The following EIF5 variants were observed in gnomAD, a reference collection of about 807,000 sequenced individuals.
The protein encoded by EIF5 is eukaryotic translation initiation factor 5.
A neutral mutation model predicts 48.3 loss-of-function variants in EIF5; 10 were observed. The ratio of observed to expected loss-of-function variants is 0.21; its 90% confidence interval spans 0.13 to 0.35. The LOEUF is 0.35. EIF5 is among the 10% of genes least tolerant of loss of function. The probability of loss-of-function intolerance (pLI) is 1.00; values close to 1 mark genes in which losing one functional copy is unlikely to be tolerated. For missense variants in EIF5, 397 were observed against 533.2 expected (o/e 0.74, Z 2.51); for synonymous variants, 237 against 173.1 (o/e 1.37, Z -2.90).
chr14:103,339,477 C>A, intron 9 of EIF5, 144 bp downstream of exon 9: 1 of 1,393,990 alleles, frequency 7.2e-7, no homozygotes, highest in Non-Finnish European at 9.8e-7. Context: ...TCTGAAAGTG[C>A]CATACCTAGG....
rs962655931 is a variant in EIF5, at chr14:103,343,088, A to G, written c.*2036A>G. On this transcript the variant is annotated 3_prime_UTR_variant, in exon 12 of 12. Coordinates refer to ENST00000216554, the MANE Select transcript of EIF5 (RefSeq NM_001969.5). ...TGTTCACAGGTTATCCTAATAGAGT[A>G]ATTCTTCACTTTGCTCTATTGAACT... 3 of 152,668 alleles carry G rather than the reference A, an allele frequency of 2.0e-5. No individual in the cohort carries two copies. Among genetic ancestry groups the G allele is most frequent in the Non-Finnish European group, 4.4e-5 (3 of 68,040 alleles). 9.5% of individuals were successfully genotyped at this position (152,668 alleles called of 1,614,324 possible). A position where few individuals can be genotyped will look rare whatever the true frequency, so the allele number is the denominator to read the frequency against.
Position 103,338,322 on chromosome 14 carries a change from T to C in EIF5, c.440-5T>C. ...TTAAATTTTTATTTCCCTTTTTTTCTGTAGAGAATAGTGACAGTGGTACAG... is the reference window on the plus strand; with the variant it reads ...TTAAATTTTTATTTCCCTTTTTTTCCGTAGAGAATAGTGACAGTGGTACAG... On this transcript the variant is annotated splice_region_variant and splice_polypyrimidine_tract_variant and intron_variant, in intron 6 of 11. Coordinates refer to ENST00000216554, the MANE Select transcript of EIF5 (RefSeq NM_001969.5). 3 of 1,609,906 alleles carry C rather than the reference T, an allele frequency of 1.9e-6. No homozygotes were observed. Among genetic ancestry groups the C allele is most frequent in the Non-Finnish European group, 2.5e-6 (3 of 1,178,786 alleles).
chr14:103,337,456 G>A, intron 6 of EIF5: 2 of 506,074 alleles, frequency 4.0e-6, no homozygotes, highest in Non-Finnish European at 7.0e-6. Flanking sequence ...ACAAAAACTA[G>A]CTTAGCATGG....
intron 8 of EIF5, 88 bp from the exon 9 acceptor site, chr14:103,339,084 T>C: frequency 6.6e-7 from 1 of 1,509,770 alleles, no homozygotes; most frequent in South Asian, 1.3e-5. Context: ...GCAGGAAAAA[T>C]ATGTTCATCA....
At position 103,342,849 on chromosome 14, in the gene EIF5, T is replaced by C. The variant is rs1410333086; in HGVS notation, c.*1797T>C. ...TGCCGCAAGGCTGATCTGCTTTCATTAACTGGAATTCTGTAGGAGATACTG... is the reference window on the plus strand; with the variant it reads ...TGCCGCAAGGCTGATCTGCTTTCATCAACTGGAATTCTGTAGGAGATACTG... On this transcript the variant is annotated 3_prime_UTR_variant, in exon 12 of 12. Transcript: ENST00000216554. 1 of 152,658 alleles carries C rather than the reference T, an allele frequency of 6.6e-6. No individual in the cohort carries two copies. Among genetic ancestry groups the C allele is most frequent in the Non-Finnish European group, 1.5e-5 (1 of 68,046 alleles). The allele number at this position is 152,658 out of a possible 1,614,324, so 9.5% of individuals were successfully genotyped here. A position where few individuals can be genotyped will look rare whatever the true frequency, so the allele number is the denominator to read the frequency against.
intron 6 of EIF5, 52 bp downstream of exon 6, chr14:103,337,279 T>C (rs756004663): frequency 2.0e-6 from 3 of 1,477,752 alleles, no homozygotes; most frequent in Non-Finnish European, 2.8e-6. Context: ...TACTAACTGT[T>C]GGGAACAAAA....
chr14:103,338,184 CCT>C, intron 6 of EIF5, 141 bp from the exon 7 acceptor site: 1 of 1,130,796 alleles, frequency 8.8e-7, no homozygotes, highest in East Asian at 2.4e-5. Flanking sequence ...ATCTGTGAAG[CCT>C]CTTAGGTAGC....
Position 103,338,373 on chromosome 14 carries a change from C to T in EIF5, c.486C>T (p.Asn162=), listed in dbSNP as rs1297737523. ...GTGKKEKEKK[N]RKGKDKENGS... is the part of the protein sequence containing the mutation. ...GAAAGAAAGAAAAAGAAAAGAAAAACAGAAAGGGCAAAGACAAGGAAAATG... is the reference window on the plus strand; with the variant it reads ...GAAAGAAAGAAAAAGAAAAGAAAAATAGAAAGGGCAAAGACAAGGAAAATG... The change falls in exon 7 of 12, where the codon AAC becomes AAT. Residue 162 remains asparagine, a synonymous_variant. Coordinates refer to ENST00000216554, the MANE Select transcript of EIF5 (RefSeq NM_001969.5). 6.2e-7 allele frequency: 1 copy of T among 1,613,850 alleles called. No homozygotes were observed. Among genetic ancestry groups the T allele is most frequent in the African/African-American group, 1.3e-5 (1 of 74,978 alleles).
In EIF5 at chr14:103,342,975, T is replaced by C. The variant is rs11303; in HGVS notation, c.*1923T>C. The C allele has an allele frequency of 0.016, 2,491 of 152,764 alleles. 28 individuals are homozygous for C. The highest frequency in any genetic ancestry group is 0.029 in the East Asian group (150 of 5,182). 9.5% of individuals were successfully genotyped at this position (152,764 alleles called of 1,614,324 possible). The stretch of plus-strand genomic sequence containing the variant: ...ATCTGAGGGAAAACATGTTCAGGGC[T>C]TCTAGAACACTAAAAAATTTGGCTT... On this transcript the variant is annotated 3_prime_UTR_variant, in exon 12 of 12. Transcript: ENST00000216554.
intron 6 of EIF5, chr14:103,338,097 G>T (rs940197036): frequency 1.6e-5 from 11 of 667,286 alleles, no homozygotes; most frequent in Non-Finnish European, 2.6e-5. Context: ...TTTCTTAGCA[G>T]TTACAATACC....
chr14:103,340,883 T>C, intron 11 of EIF5, 80 bp from the exon 12 acceptor site: 1 of 1,445,078 alleles, frequency 6.9e-7, no homozygotes, highest in African/African-American at 1.4e-5. Context: ...AGTTTCCTCC[T>C]CTGTGACCAC....
At chr14:103,338,245 G>A (rs1379853542) in intron 6 of EIF5, 82 bp from the exon 7 acceptor site, 1 of 1,547,064 alleles carries the variant, frequency 6.5e-7, no homozygotes, top group Admixed American at 2.0e-5. Flanking sequence ...GGAAAATAAG[G>A]GCAGGGTTTT....
chr14:103,340,845 C>T (rs747570528), intron 11 of EIF5, 118 bp from the exon 12 acceptor site: 20 of 1,051,332 alleles, frequency 1.9e-5, no homozygotes, highest in Middle Eastern at 2.3e-4. Context: ...AGAGCTGTTC[C>T]GTGAAGAAGA....
rs377280002 is a variant in EIF5 at position 103,340,955 on chromosome 14, C to T, written c.1207-8C>T. 74 of 1,612,742 alleles carry T rather than the reference C, an allele frequency of 4.6e-5. No homozygotes were observed. Among genetic ancestry groups the T allele is most frequent in the Middle Eastern group, 1.6e-4 (1 of 6,082 alleles). On this transcript the variant is annotated splice_region_variant and splice_polypyrimidine_tract_variant and intron_variant, in intron 11 of 11. Transcript: ENST00000216554. Reference sequence around the variant, plus strand: ...GCTTATGTTGAATAAAATCATTCCTCTTAACAGGTGGTGTATTCGAAGGCT... The same window carrying T: ...GCTTATGTTGAATAAAATCATTCCTTTTAACAGGTGGTGTATTCGAAGGCT...
At chr14:103,338,944 G>T in intron 8 of EIF5, 51 bp downstream of exon 8, 1 of 1,589,208 alleles carries the variant, frequency 6.3e-7, no homozygotes, top group Non-Finnish European at 8.6e-7. Flanking sequence ...CCTTGTTTGT[G>T]CCTTTAGATA....
rs916575845 is a variant in EIF5 at position 103,334,265 on chromosome 14, G to C, written c.-418+5G>C. The C allele has an allele frequency of 3.9e-5, 6 of 152,354 alleles. No individual in the cohort carries two copies. Among genetic ancestry groups the C allele is most frequent in the Non-Finnish European group, 8.8e-5 (6 of 68,210 alleles). 9.4% of individuals were successfully genotyped at this position (152,354 alleles called of 1,614,324 possible). On this transcript the variant is annotated splice_donor_5th_base_variant and intron_variant, in intron 1 of 11. Transcript: ENST00000216554. ...CAGAGCGAGAACATTCCAGAGGTGA[G>C]TCCGGTGAAGGGGCGGCCCCCTGCC...
At chr14:103,337,315 G>A (rs2089298649) in intron 6 of EIF5, 88 bp downstream of exon 6, 2 of 1,168,016 alleles carry the variant, frequency 1.7e-6, no homozygotes, top group African/African-American at 1.6e-5. Flanking sequence ...TAATAGGAAT[G>A]TAAGGGAGAC....
intron 5 of EIF5, 117 bp from the exon 6 acceptor site, chr14:103,336,999 G>A: frequency 1.5e-6 from 2 of 1,344,290 alleles, no homozygotes; most frequent in South Asian, 3.0e-5. Context: ...TTTTTTTAAA[G>A]TAGGTCACTG....
rs1241861519 is a variant in EIF5 at position 103,343,590 on chromosome 14, T to A, written c.*2538T>A. On this transcript the variant is annotated 3_prime_UTR_variant, in exon 12 of 12. Coordinates refer to ENST00000216554, the MANE Select transcript of EIF5 (RefSeq NM_001969.5). ...GGCAAGGAGGTCTCTAATCCACCGC[T>A]TCCCGCTTGAGAAGGGAGGGGTATC... is the stretch of plus-strand genomic sequence containing the variant. 6.6e-6 allele frequency: 1 copy of A among 152,208 alleles called. No individual in the cohort carries two copies. The highest frequency in any genetic ancestry group is 1.9e-4 in the East Asian group (1 of 5,192). 9.4% of individuals were successfully genotyped at this position (152,208 alleles called of 1,614,324 possible).
Sources: allele counts gnomAD v4.1 joint callset, GRCh38; gene constraint gnomAD v4.1.1; transcripts MANE v1.5; gene names NCBI Gene and HGNC (gene_info 2026-07-23, HGNC 2026-07-21).